The following ACOX2 variants were observed in gnomAD, a reference collection of about 807,000 sequenced individuals.
ACOX2 encodes the protein peroxisomal acyl-coenzyme A oxidase 2.
Under a neutral mutation model 77.5 loss-of-function variants are expected in ACOX2, and 59 were observed. That is an observed-to-expected ratio of 0.76 (90% CI 0.62 to 0.95). The LOEUF is 0.95. Among genes scored for constraint, ACOX2 ranks in the 40% least tolerant of loss-of-function variants. The probability of loss-of-function intolerance (pLI) is 0.00; values close to 1 mark genes in which losing one functional copy is unlikely to be tolerated. For missense variants in ACOX2, 837 were observed against 880.4 expected, an observed-to-expected ratio of 0.95 and a Z score of 0.62; for synonymous variants, 317 against 340.1, an observed-to-expected ratio of 0.93 and a Z score of 0.75.
rs1250288352 is a variant in ACOX2 at position 58,515,772 on chromosome 3, T to C, written c.1850+1434A>G. ...ATGGACAATGGTAAATAATTTGCAA[T>C]GTTTTCTTTTCTTTCCTTTTTTTGA... On this transcript the variant is annotated intron_variant, in intron 13 of 14. Coordinates refer to ENST00000302819, the MANE Select transcript of ACOX2 (RefSeq NM_003500.4). This position sits in a 1 kb window ranked among gnomAD's most constrained non-coding sequence, Gnocchi z 4.0. Among the ~76,000 whole-genome samples the C allele has an allele frequency of 6.6e-6, 1 of 152,060 alleles. No homozygotes were observed. Among genetic ancestry groups the C allele is most frequent in the Non-Finnish European group, 1.5e-5 (1 of 68,026 alleles).
In ACOX2 at chr3:58,534,747, G is replaced by A. The variant is rs2063468476; in HGVS notation, c.160+200C>T. Reference sequence around the variant, plus strand: ...CAGAATCCAGGTCTTCTGCTGCCTAGGACTCTTCTATCCCCTAGGTGGGCT... The same window carrying A: ...CAGAATCCAGGTCTTCTGCTGCCTAAGACTCTTCTATCCCCTAGGTGGGCT... On this transcript the variant is annotated intron_variant, in intron 2 of 14. Coordinates refer to ENST00000302819, the MANE Select transcript of ACOX2 (RefSeq NM_003500.4). The surrounding 1 kb of genome is among the most constrained non-coding windows in gnomAD (Gnocchi z 4.8). 7.5e-7 allele frequency: 1 copy of A among 1,332,116 alleles called. No individual in the cohort carries two copies. The highest frequency in any genetic ancestry group is 2.4e-5 in the East Asian group (1 of 41,398). 82.5% of individuals were successfully genotyped at this position (1,332,116 alleles called of 1,614,324 possible).
intron 13 of ACOX2, chr3:58,511,550 G>A (rs144624219): frequency 5.6e-6 from 1 of 177,052 alleles, no homozygotes; most frequent in East Asian, 1.8e-4. Context: ...ATCACCTCAT[G>A]CCCACAAGGT....
chr3:58,536,434 G>T (rs2063481691), intron 1 of ACOX2, among the ~76,000 whole-genome samples: 1 of 152,192 alleles, frequency 6.6e-6, no homozygotes, highest in Non-Finnish European at 1.5e-5. Context: ...GCCTTGGAAA[G>T]GGAGGAGACT....
At position 58,534,757 on chromosome 3, in the gene ACOX2, A is replaced by G. The variant is rs2063468558; in HGVS notation, c.160+190T>C. The G allele has an allele frequency of 6.8e-6, 9 of 1,322,516 alleles. No individual in the cohort carries two copies. The highest frequency in any genetic ancestry group is 2.0e-4 in the Middle Eastern group (1 of 4,918). 81.9% of individuals were successfully genotyped at this position (1,322,516 alleles called of 1,614,324 possible). A position where few individuals can be genotyped will look rare whatever the true frequency, so the allele number is the denominator to read the frequency against. On this transcript the variant is annotated intron_variant, in intron 2 of 14. Transcript: ENST00000302819. This position sits in a 1 kb window ranked among gnomAD's most constrained non-coding sequence, Gnocchi z 4.8. ...GTCTTCTGCTGCCTAGGACTCTTCT[A>G]TCCCCTAGGTGGGCTCAGGCAATAT...
Position 58,505,333 on chromosome 3 carries a change from G to A in ACOX2, c.1984-47C>T. The A allele has an allele frequency of 6.8e-7, 1 of 1,461,100 alleles. No homozygotes were observed. Among genetic ancestry groups the A allele is most frequent in the South Asian group, 1.3e-5 (1 of 75,498 alleles). 90.5% of individuals were successfully genotyped at this position (1,461,100 alleles called of 1,614,324 possible). ...TTATTAACACAGTACATTTCTGCCA[G>A]GATTAATGACTTTCACTTTCAAATT... is the stretch of plus-strand genomic sequence containing the variant. On this transcript the variant is annotated intron_variant, in intron 14 of 14. Coordinates refer to ENST00000302819, the MANE Select transcript of ACOX2 (RefSeq NM_003500.4). The surrounding 1 kb of genome is among the most constrained non-coding windows in gnomAD (Gnocchi z 4.4).
intron 14 of ACOX2, among the ~76,000 whole-genome samples, chr3:58,507,218 G>T (rs1209273942): frequency 1.3e-5 from 2 of 152,224 alleles, no homozygotes; most frequent in Non-Finnish European, 2.9e-5. Flanking sequence ...GTAAAACCAT[G>T]TTCATTTATT....
Position 58,515,745 on chromosome 3 carries a change from T to G in ACOX2, c.1850+1461A>C, listed in dbSNP as rs2063317899. ...TCAAATTAGTCCATTTTTTTTAATC[T>G]TATGGACAATGGTAAATAATTTGCA... is the stretch of plus-strand genomic sequence containing the variant. On this transcript the variant is annotated intron_variant, in intron 13 of 14. Transcript: ENST00000302819. The surrounding 1 kb of genome is among the most constrained non-coding windows in gnomAD (Gnocchi z 4.0). Among the ~76,000 whole-genome samples the G allele has an allele frequency of 6.6e-6, 1 of 152,208 alleles. No individual in the cohort carries two copies. The highest frequency in any genetic ancestry group is 2.1e-4 in the South Asian group (1 of 4,828).
intron 9 of ACOX2, among the ~76,000 whole-genome samples, chr3:58,527,463 G>C (rs1008013253): frequency 6.7e-6 from 1 of 150,326 alleles, no homozygotes; most frequent in African/African-American, 2.5e-5. Flanking sequence ...TTGAACCTGG[G>C]AGGCGGAGGT....
At chr3:58,527,778 C>T (rs961211050) in intron 9 of ACOX2, among the ~76,000 whole-genome samples, 1 of 152,166 alleles carries the variant, frequency 6.6e-6, no homozygotes, top group Non-Finnish European at 1.5e-5. Flanking sequence ...CATCCTTGCA[C>T]TCCTGGGCTC....
chr3:58,517,226 C>A lies in ACOX2; in HGVS notation c.1830G>T (p.Leu610=). The A allele has an allele frequency of 6.2e-7, 1 of 1,614,042 alleles. No homozygotes were observed. The highest frequency in any genetic ancestry group is 1.1e-5 in the South Asian group (1 of 91,062). The part of the protein sequence containing the change: ...AQVDMARTAY[L]DLLRLIRKDA... ...CTCACCGGATCAGGCGGAGCAGGTC[C>A]AGGTAGGCTGTTCTTGCCATGTCCA... Residue 610 remains leucine (L), a synonymous_variant, in exon 13 of 15, where the codon CTG becomes CTT. Transcript: ENST00000302819.
chr3:58,525,423 G>T lies in ACOX2; in HGVS notation c.1347-818C>A, dbSNP rs1218155846. On this transcript the variant is annotated intron_variant, in intron 10 of 14. Coordinates refer to ENST00000302819, the MANE Select transcript of ACOX2 (RefSeq NM_003500.4). This position sits in a 1 kb window ranked among gnomAD's most constrained non-coding sequence, Gnocchi z 5.0. ...AGGATGAGGCTCTGTCGGCCTCCAG[G>T]GCCCACAGACCTAAGAGGGATGAAA... is the stretch of plus-strand genomic sequence containing the variant. 1.3e-5 allele frequency among the ~76,000 whole-genome samples: 2 copies of T among 152,184 alleles called. No individual in the cohort carries two copies. The highest frequency in any genetic ancestry group is 2.9e-5 in the Non-Finnish European group (2 of 68,036).
At position 58,508,987 on chromosome 3, in the gene ACOX2, G is replaced by C; in HGVS notation, c.1889C>G (p.Thr630Ser). Residue 630 changes from threonine to serine, a missense_variant, in exon 14 of 15, where the codon ACC (threonine) becomes AGC (serine). Transcript: ENST00000302819. ...AAGTGCTGAATTTAAACACTGATCG[G>C]TGAAGTCAAAAGCATCAGTTAACAG... ...AILLTDAFDF[T>S]DQCLNSALGC... is the part of the protein sequence containing the mutation. The C allele has an allele frequency of 6.2e-7, 1 of 1,614,104 alleles. No individual in the cohort carries two copies. Among genetic ancestry groups the C allele is most frequent in the Admixed American group, 1.7e-5 (1 of 60,016 alleles).
rs2063384724 is a variant in ACOX2, at chr3:58,525,032, G to A, written c.1347-427C>T. Among the ~76,000 whole-genome samples, 1 of 152,194 alleles carries A rather than the reference G, an allele frequency of 6.6e-6. No homozygotes were observed. Among genetic ancestry groups the A allele is most frequent in the South Asian group, 2.1e-4 (1 of 4,832 alleles). On this transcript the variant is annotated intron_variant, in intron 10 of 14. Coordinates refer to ENST00000302819, the MANE Select transcript of ACOX2 (RefSeq NM_003500.4). The surrounding 1 kb of genome is among the most constrained non-coding windows in gnomAD (Gnocchi z 5.0). ...TAGGTGACTCTCAACTGCTGCTTTA[G>A]GATAATCCAGTGGTTACAGGTTCTG...
chr3:58,507,424 T>A (rs1440980981), intron 14 of ACOX2, among the ~76,000 whole-genome samples: 1 of 152,254 alleles, frequency 6.6e-6, no homozygotes, highest in Non-Finnish European at 1.5e-5. Context: ...GTATCCAGAT[T>A]AAAGTCTTTT....
Position 58,517,248 on chromosome 3 carries a change from T to G in ACOX2, c.1808A>C (p.Asp603Ala). Residue 603 changes from aspartate to alanine, a missense_variant, in exon 13 of 15, where the codon GAC (aspartate) becomes GCC (alanine). Asp to Ala is a moderately radical substitution (Grantham distance 126, BLOSUM62 -2). Transcript: ENST00000302819. ...GTCCAGGTAGGCTGTTCTTGCCATGTCCACTTGGGCACCAGACAGGAAGGC... is the reference window on the plus strand; with the variant it reads ...GTCCAGGTAGGCTGTTCTTGCCATGGCCACTTGGGCACCAGACAGGAAGGC... ...HDAFLSGAQV[D>A]MARTAYLDLL... The G allele has an allele frequency of 6.2e-7, 1 of 1,614,132 alleles. No individual in the cohort carries two copies. Among genetic ancestry groups the G allele is most frequent in the Non-Finnish European group, 8.5e-7 (1 of 1,180,024 alleles).
rs779564752 is a variant in ACOX2 at position 58,531,038 on chromosome 3, C to G, written c.819+213G>C. Among the ~76,000 whole-genome samples, 1 of 152,206 alleles carries G rather than the reference C, an allele frequency of 6.6e-6. No homozygotes were observed. Among genetic ancestry groups the G allele is most frequent in the Non-Finnish European group, 1.5e-5 (1 of 68,024 alleles). On this transcript the variant is annotated intron_variant, in intron 7 of 14. Transcript: ENST00000302819. This position sits in a 1 kb window ranked among gnomAD's most constrained non-coding sequence, Gnocchi z 5.8. ...TTGCTCTGTCAGCCTATGTGACGAG[C>G]ATTTCTGCATGAGAGGTCTGAGGCT...
intron 13 of ACOX2, among the ~76,000 whole-genome samples, chr3:58,516,332 C>T (rs2063321732): frequency 6.6e-6 from 1 of 152,156 alleles, no homozygotes; most frequent in East Asian, 1.9e-4. Flanking sequence ...CCTTAACATA[C>T]AGGTTAAGAG....
chr3:58,532,447 C>T (rs74493626), intron 5 of ACOX2, among the ~76,000 whole-genome samples: 1 of 152,046 alleles, frequency 6.6e-6, no homozygotes, highest in African/African-American at 2.4e-5. Flanking sequence ...GTGCAATGGC[C>T]TGAGCTCGGC....
Position 58,518,075 on chromosome 3 carries a change from CAA to C in ACOX2, c.1633-654_1633-653del, listed in dbSNP as rs763535906. On this transcript the variant is annotated intron_variant, in intron 12 of 14. Transcript: ENST00000302819. Reference sequence around the variant, plus strand: ...GGGCAATAAGAGCAAAACTCCATCTCAAAAAAAAAAAAAAAAAAAAAAAAAGA... The same window carrying C: ...GGGCAATAAGAGCAAAACTCCATCTCAAAAAAAAAAAAAAAAAAAAAAAGA... 6.8e-3 allele frequency among the ~76,000 whole-genome samples: 326 copies of C among 47,664 alleles called. 2 individuals are homozygous for C. Among genetic ancestry groups the C allele is most frequent in the African/African-American group, 0.025 (234 of 9,514 alleles). 31.3% of individuals were successfully genotyped at this position (47,664 alleles called of 152,430 possible).
Sources: allele counts gnomAD v4.1 joint callset (sites outside exome capture counted in the v4.1 genomes callset), GRCh38; gene constraint gnomAD v4.1.1; non-coding constraint Gnocchi (gnomAD v3.1); transcripts MANE v1.5; gene names NCBI Gene and HGNC (gene_info 2026-07-23, HGNC 2026-07-21).